The following PIK3C2G variants were observed in gnomAD, a reference collection of about 807,000 sequenced individuals.
PIK3C2G encodes the protein phosphatidylinositol-4-phosphate 3-kinase catalytic subunit type 2 gamma.
In PIK3C2G, 168 loss-of-function variants were observed where a neutral mutation model predicts 181.1. The observed-to-expected ratio is 0.93, with a 90% CI of 0.82 to 1.05. The LOEUF (loss-of-function observed/expected upper bound fraction) is 1.05. Ranked by LOEUF, PIK3C2G falls within the 50% of genes least tolerant of loss-of-function variation. The probability of loss-of-function intolerance (pLI) is 0.00; values close to 1 mark genes in which losing one functional copy is unlikely to be tolerated. For missense variants in PIK3C2G, 1,869 were observed against 1,732.8 expected (o/e 1.08, Z -1.40); for synonymous variants, 573 against 592.2 (o/e 0.97, Z 0.47).
At chr12:18,617,374 C>T (rs552098499) in intron 31 of PIK3C2G, among the ~76,000 whole-genome samples, 2 of 152,240 alleles carry the variant, frequency 1.3e-5, no homozygotes, top group African/African-American at 4.8e-5. Flanking sequence ...CAGTTTCACT[C>T]GCTTTCTATC....
chr12:18,268,074 A>G (rs1481043826), intron 1 of PIK3C2G, among the ~76,000 whole-genome samples: 1 of 152,184 alleles, frequency 6.6e-6, no homozygotes, highest in Non-Finnish European at 1.5e-5. Context: ...CAGTAGCAGG[A>G]AAATGAACCA....
intron 24 of PIK3C2G, among the ~76,000 whole-genome samples, chr12:18,518,913 A>G (rs1942731053): frequency 6.6e-6 from 1 of 152,202 alleles, no homozygotes; most frequent in Non-Finnish European, 1.5e-5. Context: ...GCTGTGTCCC[A>G]GAGATGCTGA....
intron 26 of PIK3C2G, among the ~76,000 whole-genome samples, chr12:18,547,930 T>G (rs1944518190): frequency 6.6e-6 from 1 of 151,856 alleles, no homozygotes; most frequent in African/African-American, 2.4e-5. Context: ...GATGGGTGCC[T>G]TGCATGAGAA....
chr12:18,688,269 C>T, the PIK3C2G span: 1 of 1,537,726 alleles, frequency 6.5e-7, no homozygotes, highest in Admixed American at 1.9e-5. Flanking sequence ...TAAGTTACAT[C>T]ACCATTTATT....
chr12:18,460,609 A>G (rs1416009567), intron 18 of PIK3C2G, among the ~76,000 whole-genome samples: 1 of 137,522 alleles, frequency 7.3e-6, no homozygotes, highest in African/African-American at 2.9e-5. Context: ...AAATAAAAAG[A>G]TTGACATCAT....
chr12:18,381,047 C>T (rs967018291), intron 13 of PIK3C2G, among the ~76,000 whole-genome samples: 1 of 152,154 alleles, frequency 6.6e-6, no homozygotes, highest in African/African-American at 2.4e-5. Flanking sequence ...ATATACCTAG[C>T]CAGGTACAAC....
Position 18,410,336 on chromosome 12 carries a change from C to T in PIK3C2G, c.2315+10489C>T, listed in dbSNP as rs139500459. Among the ~76,000 whole-genome samples the T allele has an allele frequency of 9.3e-3, 1,410 of 151,970 alleles. 14 individuals carry two copies. Among genetic ancestry groups the T allele is most frequent in the African/African-American group, 0.027 (1,112 of 41,452 alleles). ...CCTGGCCAACATGGTGAAACCCTGT[C>T]TCTACTGAAAATACAAAAATTAGCC... On this transcript the variant is annotated intron_variant, in intron 16 of 32. Coordinates refer to ENST00000538779, the MANE Select transcript of PIK3C2G (RefSeq NM_001288772.2).
chr12:18,480,178 G>A (rs1939417277), intron 18 of PIK3C2G, among the ~76,000 whole-genome samples: 1 of 152,132 alleles, frequency 6.6e-6, no homozygotes, highest in Non-Finnish European at 1.5e-5. Context: ...TCCAAAGTGT[G>A]CCCAGGGCTA....
At chr12:18,517,638 A>G (rs1252266589) in intron 24 of PIK3C2G, among the ~76,000 whole-genome samples, 1 of 152,128 alleles carries the variant, frequency 6.6e-6, no homozygotes, top group Non-Finnish European at 1.5e-5. Context: ...TGGGGCTGAG[A>G]TGATGGGGTT....
the PIK3C2G span, among the ~76,000 whole-genome samples, chr12:18,656,590 G>A: frequency 5.9e-5 from 9 of 151,626 alleles, no homozygotes; most frequent in African/African-American, 1.9e-4. Flanking sequence ...AAATAAAATA[G>A]CCAGGCATGG....
intron 16 of PIK3C2G, among the ~76,000 whole-genome samples, chr12:18,420,002 A>G (rs1008909659): frequency 1.3e-5 from 2 of 152,134 alleles, no homozygotes; most frequent in Non-Finnish European, 2.9e-5. Flanking sequence ...AAAAGCATTC[A>G]GTTAGTTGTC....
intron 22 of PIK3C2G, among the ~76,000 whole-genome samples, chr12:18,501,172 G>A (rs1246021651): frequency 6.6e-6 from 1 of 152,174 alleles, no homozygotes; most frequent in Non-Finnish European, 1.5e-5. Context: ...CAGCAATTCC[G>A]GACGCACCTG....
At chr12:18,441,663 T>C (rs1946754544) in intron 18 of PIK3C2G, among the ~76,000 whole-genome samples, 1 of 152,128 alleles carries the variant, frequency 6.6e-6, no homozygotes, top group East Asian at 1.9e-4. Context: ...AGTCATCTTC[T>C]CATGACTGTG....
At chr12:18,700,538 A>AATG in the PIK3C2G span, among the ~76,000 whole-genome samples, 1 of 135,918 alleles carries the variant, frequency 7.4e-6, no homozygotes, top group Non-Finnish European at 1.5e-5. Context: ...AAAAAAAAAT[A>AATG]GTTGCTCTGC....
intron 32 of PIK3C2G, among the ~76,000 whole-genome samples, chr12:18,647,599 T>C (rs893346898): frequency 1.3e-5 from 2 of 152,062 alleles, no homozygotes; most frequent in African/African-American, 4.8e-5. Context: ...TCCTAGAGAG[T>C]AATTTACCAT....
At chr12:18,721,175 C>A in the PIK3C2G span, among the ~76,000 whole-genome samples, 2 of 151,986 alleles carry the variant, frequency 1.3e-5, no homozygotes, top group African/African-American at 2.4e-5. Context: ...AAATAAATAT[C>A]TTTGGTAATG....
chr12:18,470,400 C>T (rs1264621967), intron 18 of PIK3C2G, among the ~76,000 whole-genome samples: 1 of 152,094 alleles, frequency 6.6e-6, no homozygotes, highest in Non-Finnish European at 1.5e-5. Flanking sequence ...TTGCTAATAA[C>T]TTAGAGATGC....
rs772684568 is a variant in PIK3C2G at position 18,497,706 on chromosome 12, C to A, written c.2974C>A (p.Gln992Lys). Reference sequence around the variant, plus strand: ...TTGGCTGCAGGAAGGCTTGGATATGCAAATGATCATTTATAGATGTCTATC... The same window carrying A: ...TTGGCTGCAGGAAGGCTTGGATATGAAAATGATCATTTATAGATGTCTATC... ...NIWLQEGLDM[Q>K]MIIYRCLSTG... The change falls in exon 22 of 33, where the codon CAA becomes AAA. Residue 992 changes from glutamine to lysine, a missense_variant. By Grantham distance (53) the Gln-to-Lys change is moderately conservative (BLOSUM62 1). Transcript: ENST00000538779. 6.2e-7 allele frequency: 1 copy of A among 1,611,996 alleles called. No homozygotes were observed. Among genetic ancestry groups the A allele is most frequent in the African/African-American group, 1.3e-5 (1 of 74,864 alleles).
chr12:18,543,688 T>A (rs982799902), intron 25 of PIK3C2G, among the ~76,000 whole-genome samples: 7 of 151,958 alleles, frequency 4.6e-5, no homozygotes, highest in African/African-American at 1.7e-4. Context: ...TAGTAAAAGA[T>A]CAGATGATCA....
Sources: gnomAD v4.1 joint callset for allele counts (sites outside exome capture counted in the v4.1 genomes callset) on GRCh38, gnomAD v4.1.1 for gene constraint, MANE v1.5 for transcripts, NCBI Gene and HGNC (gene_info 2026-07-23, HGNC 2026-07-21) for gene names.